C10orf67: variants seen among roughly 807,000 people sequenced by gnomAD.
The protein encoded by C10orf67 is chromosome 10 open reading frame 67, also known as uncharacterized protein C10orf67, mitochondrial.
C10orf67 carries 60 observed loss-of-function variants against 35.6 expected under a neutral mutation model. The observed-to-expected ratio is 1.68, with a 90% CI of 1.37 to 2.09. The LOEUF (loss-of-function observed/expected upper bound fraction) is 2.09, where lower values mean the gene tolerates loss of function less well. C10orf67 is among the 30% of genes most tolerant of loss of function. The probability of loss-of-function intolerance (pLI) is 0.00; values close to 1 mark genes in which losing one functional copy is unlikely to be tolerated. For missense variants in C10orf67, 474 were observed against 330.2 expected, an observed-to-expected ratio of 1.44 and a Z score of -3.38; for synonymous variants, 167 against 115.8, an observed-to-expected ratio of 1.44 and a Z score of -2.84.
Position 23,333,136 on chromosome 10 carries a change from G to T in C10orf67, c.253C>A (p.His85Asn). Residue 85 changes from histidine to asparagine, a missense_variant, in exon 2 of 16, where the codon CAT (histidine) becomes AAT (asparagine). His to Asn is a moderately conservative substitution (Grantham distance 68). Coordinates refer to ENST00000636213, the MANE Select transcript of C10orf67 (RefSeq NM_001371909.1). ...DLKIGFFSTDHATQTDSSEIL... is the reference protein window; with the variant it reads ...DLKIGFFSTDNATQTDSSEIL... ...TCACTGGAATCAGTTTGAGTGGCAT[G>T]GTCTGTGCTGAAAAAGCCAATCTTT... is the stretch of plus-strand genomic sequence containing the variant. 1 of 1,608,778 alleles carries T rather than the reference G, an allele frequency of 6.2e-7. No individual in the cohort carries two copies. The highest frequency in any genetic ancestry group is 8.5e-7 in the Non-Finnish European group (1 of 1,175,998).
At chr10:23,217,177 A>T (rs889305144) in intron 15 of C10orf67, among the ~76,000 whole-genome samples, 1 of 152,188 alleles carries the variant, frequency 6.6e-6, no homozygotes, top group Non-Finnish European at 1.5e-5. Context: ...AACTTTGATT[A>T]AAGAAGTTGA....
At chr10:23,328,414 T>C (rs1441485592) in intron 2 of C10orf67, among the ~76,000 whole-genome samples, 1 of 152,164 alleles carries the variant, frequency 6.6e-6, no homozygotes, top group African/African-American at 2.4e-5. Flanking sequence ...CACTCCTCCC[T>C]ACTTCTCCCA....
intron 15 of C10orf67, among the ~76,000 whole-genome samples, chr10:23,207,505 C>T (rs868371154): frequency 8.5e-5 from 13 of 152,258 alleles, no homozygotes; most frequent in African/African-American, 1.2e-4. Flanking sequence ...AGATAGTTAC[C>T]GTATTCAGCC....
chr10:23,281,908 T>C (rs1333848821), intron 8 of C10orf67, 105 bp downstream of exon 8: 10 of 432,322 alleles, frequency 2.3e-5, no homozygotes, highest in African/African-American at 2.0e-4. Context: ...AAAGATGAAA[T>C]GAGTCATTCA....
At chr10:23,335,894 A>G (rs923419999) in intron 1 of C10orf67, among the ~76,000 whole-genome samples, 2 of 152,210 alleles carry the variant, frequency 1.3e-5, no homozygotes, top group Admixed American at 1.3e-4. Flanking sequence ...GCCTAGGATT[A>G]AGTCTCCCCA....
At chr10:23,229,726 C>A (rs1460657104) in intron 13 of C10orf67, among the ~76,000 whole-genome samples, 1 of 151,454 alleles carries the variant, frequency 6.6e-6, no homozygotes, top group Admixed American at 6.6e-5. Context: ...GAGTAATATG[C>A]AAATCATGTA....
chr10:23,333,224 T>G (rs367737217), intron 1 of C10orf67, 42 bp from the exon 2 acceptor site: 1 of 1,521,550 alleles, frequency 6.6e-7, no homozygotes, highest in Non-Finnish European at 9.0e-7. Flanking sequence ...GTCATAGATA[T>G]TTTCTTAGAA....
Position 23,289,940 on chromosome 10 carries a change from A to C in C10orf67, c.869T>G (p.Met290Arg), listed in dbSNP as rs531562151. The change falls in exon 7 of 16, where the codon ATG becomes AGG. Residue 290 changes from methionine to arginine, a missense_variant. By Grantham distance (91) the Met-to-Arg change is moderately conservative. Coordinates refer to ENST00000636213, the MANE Select transcript of C10orf67 (RefSeq NM_001371909.1). Reference protein sequence around the residue: ...NSGLEDELISMKEMAEKDHKT... With the variant: ...NSGLEDELISRKEMAEKDHKT... ...GTGATCCTTTTCTGCCATCTCTTTC[A>C]TACTTATAAGTTCATCTTCTGTAAA... 6 of 717,180 alleles carry C rather than the reference A, an allele frequency of 8.4e-6. No homozygotes were observed. In the African/African-American group the frequency reaches 8.7e-5, roughly 10 times the overall value. The allele number at this position is 717,180 out of a possible 1,614,324, so 44.4% of individuals were successfully genotyped here.
Position 23,213,454 on chromosome 10 carries a change from A to G in C10orf67, c.1571-9199T>C, listed in dbSNP as rs76773466. Among the ~76,000 whole-genome samples, 508 of 152,320 alleles carry G rather than the reference A, an allele frequency of 3.3e-3. 9 individuals are homozygous for G. The East Asian group carries it at 0.054, about 16-fold the overall frequency. ...AACTACAAATTATTGGAAAATTGAC[A>G]CCAGACTTCTTATAATCCTAAGTAG... On this transcript the variant is annotated intron_variant, in intron 15 of 15. Coordinates refer to ENST00000636213, the MANE Select transcript of C10orf67 (RefSeq NM_001371909.1).
intron 8 of C10orf67, among the ~76,000 whole-genome samples, chr10:23,272,428 C>T (rs917402792): frequency 2.6e-5 from 4 of 152,174 alleles, no homozygotes; most frequent in East Asian, 1.9e-4. Flanking sequence ...TGTTTCAGTA[C>T]TATTTGTTGA....
chr10:23,260,711 G>A (rs534669897), intron 10 of C10orf67, among the ~76,000 whole-genome samples: 27 of 152,264 alleles, frequency 1.8e-4, no homozygotes, highest in Non-Finnish European at 2.5e-4. Flanking sequence ...TTTGGTGGGA[G>A]ATTTCCCACC....
chr10:23,284,004 A>G lies in C10orf67; in HGVS notation c.910-1926T>C, dbSNP rs576902722. On this transcript the variant is annotated intron_variant, in intron 7 of 15. Transcript: ENST00000636213. ...TATTTGATTCCTGGAATTAAAACAC[A>G]AAAGCTATGAATTCCATAACTGACC... is the stretch of plus-strand genomic sequence containing the variant. Among the ~76,000 whole-genome samples, 6 of 152,216 alleles carry G rather than the reference A, an allele frequency of 3.9e-5. No homozygotes were observed. In the South Asian group the frequency reaches 1.2e-3, roughly 32 times the overall value.
At chr10:23,293,490 C>A (rs999064048) in intron 5 of C10orf67, among the ~76,000 whole-genome samples, 1 of 152,058 alleles carries the variant, frequency 6.6e-6, no homozygotes, top group Non-Finnish European at 1.5e-5. Context: ...TGCCATCTGC[C>A]CACACTGCTA....
chr10:23,320,867 C>T (rs912060844), intron 3 of C10orf67, 52 bp from the exon 4 acceptor site: 2 of 1,209,126 alleles, frequency 1.7e-6, no homozygotes, highest in Admixed American at 2.1e-5. Context: ...CCAAATATGA[C>T]CCACACCTAC....
chr10:23,266,273 C>A lies in C10orf67; in HGVS notation c.1189G>T (p.Asp397Tyr). 1 of 398,628 alleles carries A rather than the reference C, an allele frequency of 2.5e-6. No individual in the cohort carries two copies. Among genetic ancestry groups the A allele is most frequent in the Non-Finnish European group, 4.4e-6 (1 of 226,116 alleles). The allele number at this position is 398,628 out of a possible 1,614,324, so 24.7% of individuals were successfully genotyped here. ...GAAGCAGTTCTTACCACAGCTTGGT[C>A]TTCCTTTAAAGCCTTCTTTGGCATT... is the stretch of plus-strand genomic sequence containing the variant. ...AKMPKKALKE[D>Y]QAVVEDKHGL... is the part of the protein sequence containing the mutation. Residue 397 changes from aspartate (D) to tyrosine (Y), a missense_variant, in exon 10 of 16, where the codon GAC (aspartate) becomes TAC (tyrosine). Transcript: ENST00000636213.
intron 4 of C10orf67, among the ~76,000 whole-genome samples, chr10:23,309,887 C>T (rs1844430742): frequency 6.6e-6 from 1 of 152,174 alleles, no homozygotes. Context: ...CTCTTTCAGT[C>T]GGTCCTCAAA....
At chr10:23,335,757 C>T (rs73602524) in intron 1 of C10orf67, among the ~76,000 whole-genome samples, 4,489 of 152,178 alleles carry the variant, frequency 0.029, 210 homozygotes, top group African/African-American at 0.1. Context: ...TAAAAATATG[C>T]GATATATTCT....
chr10:23,257,620 T>A (rs929511843), intron 10 of C10orf67, among the ~76,000 whole-genome samples: 2 of 152,080 alleles, frequency 1.3e-5, no homozygotes, highest in Non-Finnish European at 2.9e-5. Flanking sequence ...CTGGGCAATA[T>A]GGCAAAATTC....
At chr10:23,235,714 A>T (rs1224393303) in intron 13 of C10orf67, among the ~76,000 whole-genome samples, 2 of 152,236 alleles carry the variant, frequency 1.3e-5, no homozygotes, top group Non-Finnish European at 2.9e-5. Context: ...AAAAAAGAAG[A>T]CCTAAGAATG....
Sources: allele counts gnomAD v4.1 joint callset (sites outside exome capture counted in the v4.1 genomes callset), GRCh38; gene constraint gnomAD v4.1.1; transcripts MANE v1.5; gene names NCBI Gene and HGNC (gene_info 2026-07-23, HGNC 2026-07-21).